The following SULF1 variants were observed in gnomAD, a reference collection of about 807,000 sequenced individuals.
SULF1 encodes the protein extracellular sulfatase Sulf-1.
A neutral mutation model predicts 110.5 loss-of-function variants in SULF1; 46 were observed. The ratio of observed to expected loss-of-function variants is 0.42; its 90% CI spans 0.33 to 0.53. SULF1 has a LOEUF of 0.53. SULF1 is among the 20% of genes least tolerant of loss of function. SULF1 has a pLI of 0.12. For synonymous variants in SULF1, 371 were observed against 387.1 expected, an observed-to-expected ratio of 0.96 and a Z score of 0.49; for missense variants, 941 against 1,094.2, an observed-to-expected ratio of 0.86 and a Z score of 1.98.
intron 12 of SULF1, among the ~76,000 whole-genome samples, chr8:69,604,280 C>T (rs1042261710): frequency 1.6e-4 from 24 of 152,150 alleles, no homozygotes; most frequent in African/African-American, 5.8e-4. Context: ...CTCTACCATC[C>T]TCCCCACGTT....
intron 22 of SULF1, among the ~76,000 whole-genome samples, chr8:69,653,795 A>G (rs1812526339): frequency 6.6e-6 from 1 of 152,122 alleles, no homozygotes; most frequent in Non-Finnish European, 1.5e-5. Context: ...TCAGCATATA[A>G]AAGACACTCT....
At chr8:69,638,952 A>G (rs1379302084) in intron 21 of SULF1, 94 bp downstream of exon 21, 9 of 1,259,834 alleles carry the variant, frequency 7.1e-6, no homozygotes, top group Admixed American at 2.7e-5. Flanking sequence ...GCACAGAAAC[A>G]TATAATTCAA....
At position 69,611,721 on chromosome 8, in the gene SULF1, A is replaced by T. The variant is rs16936178; in HGVS notation, c.1377+6789A>T. On this transcript the variant is annotated intron_variant, in intron 13 of 22. Transcript: ENST00000402687. Reference sequence around the variant, plus strand: ...CAGTTGTGACATTTCAGAGAACATGATTTGACCTGCATTATGGCCAAATCC... The same window carrying T: ...CAGTTGTGACATTTCAGAGAACATGTTTTGACCTGCATTATGGCCAAATCC... Among the ~76,000 whole-genome samples, 504 of 152,354 alleles carry T rather than the reference A, an allele frequency of 3.3e-3. 3 individuals are homozygous for T. The highest frequency in any genetic ancestry group is 0.012 in the African/African-American group (479 of 41,586).
chr8:69,577,514 G>A lies in SULF1; in HGVS notation c.412+1305G>A, dbSNP rs572946332. 2.6e-5 allele frequency among the ~76,000 whole-genome samples: 4 copies of A among 152,268 alleles called. No individual in the cohort carries two copies. In the South Asian group the frequency reaches 8.3e-4, roughly 32 times the overall value. On this transcript the variant is annotated intron_variant, in intron 6 of 22. Coordinates refer to ENST00000402687, the MANE Select transcript of SULF1 (RefSeq NM_001128205.2). ...GAAATCAGTGCCTTTCACCTCCCAG[G>A]TTCCCTAGTAGCAAACATGGAACTG...
chr8:69,605,175 A>G (rs972825033), intron 13 of SULF1, among the ~76,000 whole-genome samples: 6 of 152,212 alleles, frequency 3.9e-5, no homozygotes, highest in Non-Finnish European at 7.3e-5. Context: ...AGAAAGTTCT[A>G]TGCCAAAAGA....
intron 22 of SULF1, among the ~76,000 whole-genome samples, chr8:69,651,950 T>C (rs897496451): frequency 6.6e-6 from 1 of 152,178 alleles, no homozygotes; most frequent in Non-Finnish European, 1.5e-5. Flanking sequence ...TCGAAATGAA[T>C]CTTACTGGGC....
At chr8:69,540,093 G>T (rs1813760845) in intron 3 of SULF1, among the ~76,000 whole-genome samples, 1 of 152,200 alleles carries the variant, frequency 6.6e-6, no homozygotes, top group Non-Finnish European at 1.5e-5. Context: ...GAATCGAGAA[G>T]TATTTTGATG....
chr8:69,584,792 A>G lies in SULF1; in HGVS notation c.413-1565A>G, dbSNP rs146411401. Among the ~76,000 whole-genome samples, 993 of 152,310 alleles carry G rather than the reference A, an allele frequency of 6.5e-3. 8 individuals are homozygous for G. Among genetic ancestry groups the G allele is most frequent in the African/African-American group, 0.023 (943 of 41,572 alleles). Reference sequence around the variant, plus strand: ...ATTTTACACCACTGTAAATGTGAAAATCTTCAATTGAACCATCGTAGGTCA... The same window carrying G: ...ATTTTACACCACTGTAAATGTGAAAGTCTTCAATTGAACCATCGTAGGTCA... On this transcript the variant is annotated intron_variant, in intron 6 of 22. Coordinates refer to ENST00000402687, the MANE Select transcript of SULF1 (RefSeq NM_001128205.2).
At chr8:69,555,655 C>CAA (rs112243288) in intron 3 of SULF1, among the ~76,000 whole-genome samples, 2,894 of 144,630 alleles carry the variant, frequency 0.02, 49 homozygotes, top group South Asian at 0.039. Flanking sequence ...GACTCCATCT[C>CAA]AAAAAAAAAA....
In SULF1 at chr8:69,629,517, G is replaced by A; in HGVS notation, c.2122G>A (p.Glu708Lys). Residue 708 changes from glutamate to lysine, a missense_variant, in exon 19 of 23, where the codon GAA becomes AAA. Around this residue, in one of 3 missense-constraint regions of SULF1, gnomAD observed 822 missense variants for 934.3 expected, o/e 0.88. Transcript: ENST00000402687. ...CTCTTGGAACAGGGAGGCTGCTCAG[G>A]AAGTAGATAGCAAACTGCAACTTTT... ...HLHPFKEAAQEVDSKLQLFKE... is the reference protein window; with the variant it reads ...HLHPFKEAAQKVDSKLQLFKE... 1 of 1,612,688 alleles carries A rather than the reference G, an allele frequency of 6.2e-7. No homozygotes were observed. The highest frequency in any genetic ancestry group is 8.5e-7 in the Non-Finnish European group (1 of 1,179,442).
At chr8:69,647,411 T>C (rs1812004147) in intron 22 of SULF1, among the ~76,000 whole-genome samples, 1 of 152,198 alleles carries the variant, frequency 6.6e-6, no homozygotes, top group Non-Finnish European at 1.5e-5. Flanking sequence ...AAATGACATA[T>C]ATATTTATTT....
chr8:69,591,757 T>C (rs1202816926), intron 8 of SULF1, among the ~76,000 whole-genome samples: 1 of 152,204 alleles, frequency 6.6e-6, no homozygotes, highest in Non-Finnish European at 1.5e-5. Context: ...GGCACACTGG[T>C]ACCCACAGTC....
At chr8:69,539,060 A>G (rs1258385567) in intron 3 of SULF1, among the ~76,000 whole-genome samples, 2 of 152,218 alleles carry the variant, frequency 1.3e-5, no homozygotes, top group East Asian at 3.9e-4. Context: ...TCTAGTGTCC[A>G]GGGCTGCCTT....
intron 3 of SULF1, among the ~76,000 whole-genome samples, chr8:69,509,651 T>A (rs1404877234): frequency 6.6e-6 from 1 of 152,308 alleles, no homozygotes; most frequent in East Asian, 1.9e-4. Flanking sequence ...TCATCTGGAT[T>A]CCCCAAACAG....
intron 3 of SULF1, among the ~76,000 whole-genome samples, chr8:69,505,184 T>C (rs1027903937): frequency 2.6e-5 from 4 of 152,196 alleles, no homozygotes; most frequent in African/African-American, 7.2e-5. Flanking sequence ...TATTCACATA[T>C]GAGAAGACAC....
Position 69,564,055 on chromosome 8 carries a change from C to T in SULF1, c.80C>T (p.Ser27Phe), listed in dbSNP as rs760630163. The change falls in exon 5 of 23, where the codon TCC becomes TTC. Residue 27 changes from serine (S) to phenylalanine (F), a missense_variant. Transcript: ENST00000402687. ...GGAAGCCTCTGTTCGACTGTCAGAT[C>T]CCCGAGGTTCAGAGGACGGATACAG... ...LLGSLCSTVR[S>F]PRFRGRIQQE... 10 of 1,614,034 alleles carry T rather than the reference C, an allele frequency of 6.2e-6. No homozygotes were observed. The highest frequency in any genetic ancestry group is 1.7e-5 in the Admixed American group (1 of 60,002).
rs369204091 is a variant in SULF1, at chr8:69,626,559, G to C, written c.1851-651G>C. Among the ~76,000 whole-genome samples the C allele has an allele frequency of 2.4e-3, 368 of 152,356 alleles. 1 individual carries two copies. Among genetic ancestry groups the C allele is most frequent in the East Asian group, 7.9e-3 (41 of 5,162 alleles). Reference sequence around the variant, plus strand: ...GGTGGTGCTCGTCGGGGAGGCTCGGGCTGCACAGGAGCCCATGGAGTGGGT... The same window carrying C: ...GGTGGTGCTCGTCGGGGAGGCTCGGCCTGCACAGGAGCCCATGGAGTGGGT... On this transcript the variant is annotated intron_variant, in intron 15 of 22. Transcript: ENST00000402687.
chr8:69,469,484 A>G (rs1808996530), intron 1 of SULF1: 1 of 152,230 alleles, frequency 6.6e-6, no homozygotes, highest in Non-Finnish European at 1.5e-5. Context: ...TGCAATACCA[A>G]AATACATTAG....
chr8:69,652,785 A>C (rs1289256948), intron 22 of SULF1, among the ~76,000 whole-genome samples: 8 of 152,208 alleles, frequency 5.3e-5, no homozygotes, highest in Non-Finnish European at 1.2e-4. Context: ...AGCTGTAACC[A>C]ATCTGGCTGC....
Sources: gnomAD v4.1 joint callset for allele counts (sites outside exome capture counted in the v4.1 genomes callset) on GRCh38, gnomAD v4.1.1 for gene constraint, gnomAD v4.1.1 regional missense constraint, MANE v1.5 for transcripts, NCBI Gene and HGNC (gene_info 2026-07-23, HGNC 2026-07-21) for gene names.